Variants in HERC5 observed in about 807,000 individuals in gnomAD.
HERC5 encodes HECT and RLD domain containing E3 ubiquitin protein ligase 5, also known as E3 ISG15--protein ligase HERC5.
In HERC5, 99 loss-of-function variants were observed where a neutral mutation model predicts 119.6. The ratio of observed to expected loss-of-function variants is 0.83; its 90% CI spans 0.70 to 0.98. HERC5 has a LOEUF of 0.98. Ranked by LOEUF, HERC5 falls within the 50% of genes least tolerant of loss-of-function variation. The pLI is 0.00. For synonymous variants in HERC5, 478 were observed against 445.9 expected (o/e 1.07, Z -0.91); for missense variants, 1,267 against 1,241.3 (o/e 1.02, Z -0.31).
At chr4:88,462,015 C>A in intron 3 of HERC5, 120 bp from the exon 4 acceptor site, 1 of 797,322 alleles carries the variant, frequency 1.3e-6, no homozygotes, top group Non-Finnish European at 2.0e-6. Flanking sequence ...ACTGAGAGTA[C>A]CATCAGTGCA....
At chr4:88,494,768 C>T (rs893146832) in intron 18 of HERC5, among the ~76,000 whole-genome samples, 3 of 152,248 alleles carry the variant, frequency 2.0e-5, no homozygotes, top group South Asian at 2.1e-4. Flanking sequence ...CCTACACATC[C>T]GTAAGAAATA....
intron 13 of HERC5, among the ~76,000 whole-genome samples, chr4:88,482,790 C>T (rs1741322914): frequency 1.3e-5 from 2 of 152,092 alleles, no homozygotes; most frequent in Non-Finnish European, 1.5e-5. Flanking sequence ...ACCACCATGC[C>T]TGGCTAATTT....
intron 7 of HERC5, chr4:88,467,832 G>A: frequency 7.3e-6 from 7 of 954,502 alleles, no homozygotes; most frequent in Non-Finnish European, 8.7e-6. Context: ...AAGCACCTTG[G>A]AGCATTTCTG....
rs1740183345 is a variant in HERC5, at chr4:88,457,321, G to C, written c.52G>C (p.Gly18Arg). ...KSRRNGRSTA[G>R]KAAATQPAKS... ...GCGGCGCAACGGGCGCTCGACCGCG[G>C]GCAAGGCCGCCGCGACCCAGCCCGC... is the stretch of plus-strand genomic sequence containing the variant. Residue 18 changes from glycine (G) to arginine (R), a missense_variant, in exon 1 of 23, where the codon GGC (glycine) becomes CGC (arginine). Gly to Arg is a moderately radical substitution (Grantham distance 125). Transcript: ENST00000264350. 4 of 1,393,584 alleles carry C rather than the reference G, an allele frequency of 2.9e-6. No homozygotes were observed. In the African/African-American group the frequency reaches 6.0e-5, roughly 21 times the overall value. The allele number at this position is 1,393,584 out of a possible 1,614,324, so 86.3% of individuals were successfully genotyped here. A position where few individuals can be genotyped will look rare whatever the true frequency, so the allele number is the denominator to read the frequency against.
In HERC5 at chr4:88,472,628, G is replaced by A. The variant is rs909822181; in HGVS notation, c.1392+126G>A. The A allele has an allele frequency of 3.2e-5, 22 of 693,038 alleles. No individual in the cohort carries two copies. The African/African-American group carries it at 3.8e-4, about 12-fold the overall frequency. The allele number at this position is 693,038 out of a possible 1,614,324, so 42.9% of individuals were successfully genotyped here. A position where few individuals can be genotyped will look rare whatever the true frequency, so the allele number is the denominator to read the frequency against. ...AGACCTTGTAGCATATTCAGATTAA[G>A]TTAAACTCAGATAACATTTAGGAGT... On this transcript the variant is annotated intron_variant, in intron 11 of 22. Transcript: ENST00000264350.
chr4:88,462,450 C>A, intron 4 of HERC5, 94 bp downstream of exon 4: 1 of 1,009,220 alleles, frequency 9.9e-7, no homozygotes, highest in Non-Finnish European at 1.5e-6. Context: ...CAAATCTTCA[C>A]TTTCATTTTC....
intron 16 of HERC5, 74 bp from the exon 17 acceptor site, chr4:88,492,938 T>A: frequency 7.1e-7 from 1 of 1,412,862 alleles, no homozygotes; most frequent in Non-Finnish European, 9.7e-7. Context: ...AGCTATTTAC[T>A]ATTATTAAAT....
intron 4 of HERC5, among the ~76,000 whole-genome samples, 165 bp downstream of exon 4, chr4:88,462,521 G>A (rs964979429): frequency 5.9e-5 from 9 of 152,188 alleles, no homozygotes; most frequent in African/African-American, 2.2e-4. Context: ...GGCATACATA[G>A]TGTGGAAGTT....
In HERC5 at chr4:88,457,322, G is replaced by T; in HGVS notation, c.53G>T (p.Gly18Val). ...CGGCGCAACGGGCGCTCGACCGCGG[G>T]CAAGGCCGCCGCGACCCAGCCCGCG... ...KSRRNGRSTA[G>V]KAAATQPAKS... Residue 18 changes from glycine to valine, a missense_variant, in exon 1 of 23, where the codon GGC becomes GTC. Gly to Val is a moderately radical substitution (Grantham distance 109). Coordinates refer to ENST00000264350, the MANE Select transcript of HERC5 (RefSeq NM_016323.4). The T allele has an allele frequency of 1.4e-6, 2 of 1,393,336 alleles. No homozygotes were observed. The highest frequency in any genetic ancestry group is 1.9e-6 in the Non-Finnish European group (2 of 1,077,502). 86.3% of individuals were successfully genotyped at this position (1,393,336 alleles called of 1,614,324 possible).
chr4:88,464,495 T>G (rs1740576578), intron 6 of HERC5, among the ~76,000 whole-genome samples: 1 of 152,108 alleles, frequency 6.6e-6, no homozygotes, highest in Non-Finnish European at 1.5e-5. Context: ...CACAGCTCCT[T>G]TTTAGAAAAG....
At chr4:88,457,780 C>A in intron 1 of HERC5, 1 of 652,826 alleles carries the variant, frequency 1.5e-6, no homozygotes, top group Non-Finnish European at 2.2e-6. Context: ...GTGGCCGGTG[C>A]GGGGCATGCG....
chr4:88,499,794 G>A (rs1741896505), intron 18 of HERC5, 132 bp from the exon 19 acceptor site: 3 of 601,736 alleles, frequency 5.0e-6, no homozygotes, highest in South Asian at 4.4e-5. Context: ...TCAGTACGCA[G>A]AGAAAGAGGT....
chr4:88,486,209 A>G lies in HERC5; in HGVS notation c.1832A>G (p.Tyr611Cys). Residue 611 changes from tyrosine (Y) to cysteine (C), a missense_variant, in exon 14 of 23, where the codon TAC becomes TGC. This residue lies in a region of HERC5 where 777 missense variants were observed against 758.0 expected (regional missense o/e 1.03). Transcript: ENST00000264350. The part of the protein sequence containing the change: ...LNFFVEVCRR[Y>C]LWKMTVDASE... ...TTTTTTGTAGAAGTATGCAGAAGGT[A>G]CTTGTGGAAAATGACTGTGGTAGGT... The G allele has an allele frequency of 3.7e-6, 6 of 1,606,848 alleles. No individual in the cohort carries two copies. In the South Asian group the frequency reaches 4.4e-5, roughly 12 times the overall value.
intron 16 of HERC5, among the ~76,000 whole-genome samples, chr4:88,490,951 CCAGT>C (rs1172618315): frequency 2.0e-5 from 3 of 152,142 alleles, no homozygotes; most frequent in African/African-American, 7.2e-5. Flanking sequence ...CTATGCTTTG[CCAGT>C]CAGTCTACTC....
chr4:88,463,450 T>G, intron 4 of HERC5, 82 bp from the exon 5 acceptor site: 1 of 849,390 alleles, frequency 1.2e-6, no homozygotes, highest in Non-Finnish European at 2.0e-6. Context: ...GTCGCTGGGT[T>G]GAGAAGCAGC....
In HERC5 at chr4:88,504,655, A is replaced by T. The variant is rs189115986; in HGVS notation, c.2869+58A>T. The T allele has an allele frequency of 4.0e-4, 435 of 1,089,648 alleles. 1 individual carries two copies. In the African/African-American group the frequency reaches 6.3e-3, roughly 16 times the overall value. 67.5% of individuals were successfully genotyped at this position (1,089,648 alleles called of 1,614,324 possible). On this transcript the variant is annotated intron_variant, in intron 22 of 22. Coordinates refer to ENST00000264350, the MANE Select transcript of HERC5 (RefSeq NM_016323.4). Reference sequence around the variant, plus strand: ...CGTATGTCTTTTTAATGGGATAAAAATTTCCTTTATGATAAGTACCATTTG... The same window carrying T: ...CGTATGTCTTTTTAATGGGATAAAATTTTCCTTTATGATAAGTACCATTTG...
In HERC5 at chr4:88,457,668, A is replaced by T. The variant is rs567536202; in HGVS notation, c.265+134A>T. 6 of 1,022,634 alleles carry T rather than the reference A, an allele frequency of 5.9e-6. No homozygotes were observed. The African/African-American group carries it at 9.9e-5, about 17-fold the overall frequency. 63.3% of individuals were successfully genotyped at this position (1,022,634 alleles called of 1,614,324 possible). Reference sequence around the variant, plus strand: ...GGCCGCAGACGCGCGCCTGGCTCGGATAGTTTCGCCGACGGCGCACCTGAG... The same window carrying T: ...GGCCGCAGACGCGCGCCTGGCTCGGTTAGTTTCGCCGACGGCGCACCTGAG... On this transcript the variant is annotated intron_variant, in intron 1 of 22. Coordinates refer to ENST00000264350, the MANE Select transcript of HERC5 (RefSeq NM_016323.4).
chr4:88,461,192 A>G (rs980871158), intron 3 of HERC5, among the ~76,000 whole-genome samples: 2 of 152,200 alleles, frequency 1.3e-5, no homozygotes, highest in Non-Finnish European at 2.9e-5. Flanking sequence ...ATTTGATAGT[A>G]TGAACTTGTA....
At chr4:88,500,783 TGCTA>T in intron 19 of HERC5, 128 bp from the exon 20 acceptor site, 3 of 697,882 alleles carry the variant, frequency 4.3e-6, no homozygotes, top group South Asian at 2.1e-5. Flanking sequence ...GTACATTCCT[TGCTA>T]GCTTTTATGA....
Sources: gnomAD v4.1 joint callset for allele counts (sites outside exome capture counted in the v4.1 genomes callset) on GRCh38, gnomAD v4.1.1 for gene constraint, gnomAD v4.1.1 regional missense constraint, MANE v1.5 for transcripts, NCBI Gene and HGNC (gene_info 2026-07-23, HGNC 2026-07-21) for gene names.